SLC8A1: variants seen among roughly 807,000 people sequenced by gnomAD.
SLC8A1 encodes the protein sodium/calcium exchanger 1.
SLC8A1 carries 18 observed loss-of-function variants against 68.3 expected under a neutral mutation model. The observed-to-expected ratio is 0.26, with a 90% CI of 0.18 to 0.39. SLC8A1 has a LOEUF of 0.39. Among genes scored for constraint, SLC8A1 ranks in the 10% least tolerant of loss-of-function variants. SLC8A1 has a pLI of 1.00. For synonymous variants in SLC8A1, 475 were observed against 415.5 expected (o/e 1.14, Z -1.74); for missense variants, 985 against 1,156.7 (o/e 0.85, Z 2.15).
chr2:40,152,322 C>T lies in SLC8A1; in HGVS notation c.2161+8443G>A, dbSNP rs2043588174. On this transcript the variant is annotated intron_variant, in intron 6 of 7. Coordinates refer to ENST00000406785, the Ensembl canonical transcript of SLC8A1. The stretch of plus-strand genomic sequence containing the variant: ...GTGCAATGAATACAGGTTAGAAAAA[C>T]CTCCAACATAGTAAAACAACAGATA... 2.0e-5 allele frequency among the ~76,000 whole-genome samples: 3 copies of T among 152,128 alleles called. No individual in the cohort carries two copies. The South Asian group carries it at 6.2e-4, about 32-fold the overall frequency.
intron 2 of SLC8A1, among the ~76,000 whole-genome samples, chr2:40,410,938 T>C (rs1239989265): frequency 6.6e-6 from 1 of 152,036 alleles, no homozygotes; most frequent in East Asian, 1.9e-4. Context: ...GGATTCAAAA[T>C]GGGATTTTTT....
intron 2 of SLC8A1, among the ~76,000 whole-genome samples, chr2:40,354,979 G>A (rs185250483): frequency 1.2e-3 from 178 of 152,266 alleles, no homozygotes; most frequent in Non-Finnish European, 1.9e-3. Context: ...TTTGAAGAGT[G>A]TTTGACATAA....
intron 1 of SLC8A1, among the ~76,000 whole-genome samples, chr2:40,495,269 T>C (rs1244089478): frequency 6.6e-6 from 1 of 152,026 alleles, no homozygotes; most frequent in African/African-American, 2.4e-5. Flanking sequence ...ATTCTGGCTA[T>C]TTTGCTTATA....
chr2:40,407,580 A>G (rs924038059), intron 2 of SLC8A1, among the ~76,000 whole-genome samples: 4 of 152,094 alleles, frequency 2.6e-5, no homozygotes, highest in Non-Finnish European at 5.9e-5. Flanking sequence ...CCACACCAAC[A>G]GGTCCTCTGT....
At chr2:40,126,499 A>T (rs1056293001) in intron 7 of SLC8A1, among the ~76,000 whole-genome samples, 2 of 152,128 alleles carry the variant, frequency 1.3e-5, no homozygotes, top group Admixed American at 1.3e-4. Context: ...GTGGTAGGGG[A>T]GCTCATATGA....
chr2:40,188,006 A>G (rs913138824), intron 2 of SLC8A1, among the ~76,000 whole-genome samples: 1 of 152,204 alleles, frequency 6.6e-6, no homozygotes, highest in African/African-American at 2.4e-5. Context: ...TCTGTTACCT[A>G]CACATGCCTG....
intron 1 of SLC8A1, among the ~76,000 whole-genome samples, chr2:40,440,976 A>C (rs1700357142): frequency 6.6e-6 from 1 of 152,194 alleles, no homozygotes; most frequent in African/African-American, 2.4e-5. Flanking sequence ...ACAGGAAAAG[A>C]GGAAGTCAGA....
At chr2:40,337,861 T>A (rs1418957798) in intron 2 of SLC8A1, among the ~76,000 whole-genome samples, 1 of 152,186 alleles carries the variant, frequency 6.6e-6, no homozygotes, top group African/African-American at 2.4e-5. Context: ...CACTGTCAGT[T>A]CTACCTACTA....
intron 2 of SLC8A1, among the ~76,000 whole-genome samples, chr2:40,247,141 C>T (rs1340565371): frequency 6.6e-6 from 1 of 152,064 alleles, no homozygotes; most frequent in Non-Finnish European, 1.5e-5. Flanking sequence ...GAGTTGGCAC[C>T]TTGGAATCAA....
chr2:40,269,777 C>CT (rs2065794914), intron 2 of SLC8A1, among the ~76,000 whole-genome samples: 1 of 145,878 alleles, frequency 6.9e-6, no homozygotes, highest in Non-Finnish European at 1.5e-5. Flanking sequence ...ATCACTGTGA[C>CT]TGTTGCTGTT....
chr2:40,350,456 G>C (rs1406658560), intron 2 of SLC8A1, among the ~76,000 whole-genome samples: 2 of 151,836 alleles, frequency 1.3e-5, no homozygotes, highest in Non-Finnish European at 2.9e-5. Context: ...GGTCCAGCCT[G>C]GGTGACAGAG....
chr2:40,468,121 T>A (rs2149899838), intron 1 of SLC8A1, among the ~76,000 whole-genome samples: 1 of 152,232 alleles, frequency 6.6e-6, no homozygotes. Context: ...CCATTTATTT[T>A]AATTTGATCT....
chr2:40,237,889 TG>T (rs1029039899), intron 2 of SLC8A1, among the ~76,000 whole-genome samples: 2 of 152,180 alleles, frequency 1.3e-5, no homozygotes, highest in East Asian at 3.9e-4. Flanking sequence ...GTGCCCCTGC[TG>T]GGGGGTGCCT....
intron 7 of SLC8A1, among the ~76,000 whole-genome samples, chr2:40,124,620 T>C (rs892953067): frequency 1.8e-4 from 27 of 152,130 alleles, no homozygotes; most frequent in African/African-American, 6.5e-4. Context: ...ATCAAAAGCC[T>C]GAAAAGTCTA....
At chr2:40,419,630 T>A (rs79827485) in intron 2 of SLC8A1, among the ~76,000 whole-genome samples, 1 of 152,104 alleles carries the variant, frequency 6.6e-6, no homozygotes, top group Admixed American at 6.5e-5. Flanking sequence ...CTGAACTGAA[T>A]AGCTCATTTT....
At chr2:40,237,251 G>A (rs1316823174) in intron 2 of SLC8A1, among the ~76,000 whole-genome samples, 8 of 152,114 alleles carry the variant, frequency 5.3e-5, no homozygotes, top group Admixed American at 2.0e-4. Flanking sequence ...CCAATCAGAC[G>A]TAGATTTGGT....
At chr2:40,121,057 G>C (rs888177177) in intron 7 of SLC8A1, among the ~76,000 whole-genome samples, 6 of 152,168 alleles carry the variant, frequency 3.9e-5, no homozygotes, top group Non-Finnish European at 5.9e-5. Flanking sequence ...CTGAAGCCAT[G>C]GTTTTTAGTT....
At chr2:40,438,628 G>T (rs1699907728) in intron 1 of SLC8A1, among the ~76,000 whole-genome samples, 1 of 152,178 alleles carries the variant, frequency 6.6e-6, no homozygotes, top group Non-Finnish European at 1.5e-5. Context: ...GGATGGGAAG[G>T]ATGACAACGG....
chr2:40,253,058 C>CAT (rs2063163437), intron 2 of SLC8A1, among the ~76,000 whole-genome samples: 1 of 76,742 alleles, frequency 1.3e-5, no homozygotes, highest in Non-Finnish European at 2.8e-5. Context: ...TATATATGTA[C>CAT]ATGTATATAC....
Sources: allele counts gnomAD v4.1 joint callset (sites outside exome capture counted in the v4.1 genomes callset), GRCh38; gene constraint gnomAD v4.1.1; transcripts MANE v1.5; gene names NCBI Gene and HGNC (gene_info 2026-07-23, HGNC 2026-07-21).